The following BSDC1 variants were observed in gnomAD, a reference collection of about 807,000 sequenced individuals.
BSDC1 encodes the protein BSD domain containing 1, also known as BSD domain-containing protein 1.
BSDC1 carries 29 observed loss-of-function variants against 56.0 expected under a neutral mutation model. That is an observed-to-expected ratio of 0.52 (90% CI 0.39 to 0.71). The LOEUF (loss-of-function observed/expected upper bound fraction) is 0.71. Ranked by LOEUF, BSDC1 falls within the 30% of genes least tolerant of loss-of-function variation. The pLI is 0.00. For synonymous variants in BSDC1, 210 were observed against 215.3 expected (o/e 0.98, Z 0.21); for missense variants, 477 against 548.5 (o/e 0.87, Z 1.30).
At chr1:32,381,763 A>G (rs1642481866) in intron 4 of BSDC1, among the ~76,000 whole-genome samples, 1 of 152,218 alleles carries the variant, frequency 6.6e-6, no homozygotes, top group Non-Finnish European at 1.5e-5. Flanking sequence ...TTTCTTCCTC[A>G]GTATTGCAGG....
chr1:32,374,477 G>A (rs1403352177), intron 9 of BSDC1, among the ~76,000 whole-genome samples: 1 of 152,178 alleles, frequency 6.6e-6, no homozygotes, highest in South Asian at 2.1e-4. Flanking sequence ...TGGCCCCAAG[G>A]CCAACCTTCT....
intron 3 of BSDC1, 71 bp from the exon 4 acceptor site, chr1:32,384,068 C>T (rs765191433): frequency 6.2e-7 from 1 of 1,605,688 alleles, no homozygotes; most frequent in South Asian, 1.1e-5. Context: ...GGGGGTAAAA[C>T]ATTGGGGCAA....
At chr1:32,366,760 C>G in intron 10 of BSDC1, 106 bp from the exon 11 acceptor site, 1 of 1,435,660 alleles carries the variant, frequency 7.0e-7, no homozygotes, top group Non-Finnish European at 9.2e-7. Context: ...CATCCCCTAC[C>G]CCAGGCCATA....
At chr1:32,383,724 A>C in intron 4 of BSDC1, 106 bp downstream of exon 4, 1 of 872,812 alleles carries the variant, frequency 1.1e-6, no homozygotes, top group South Asian at 1.6e-5. Flanking sequence ...ATATACCCAT[A>C]TTTATTTTTT....
chr1:32,373,008 C>A (rs1430060186), intron 9 of BSDC1, among the ~76,000 whole-genome samples: 1 of 152,210 alleles, frequency 6.6e-6, no homozygotes, highest in Admixed American at 6.5e-5. Context: ...TCTGCGATGA[C>A]AGGGATCACC....
intron 10 of BSDC1, 76 bp from the exon 11 acceptor site, chr1:32,366,730 T>G: frequency 6.9e-7 from 1 of 1,443,672 alleles, no homozygotes; most frequent in South Asian, 1.5e-5. Flanking sequence ...AACCTCCACT[T>G]GCTGAGCAGA....
In BSDC1 at chr1:32,366,395, T is replaced by C. The variant is rs890464984; in HGVS notation, c.*227A>G. 1.4e-6 allele frequency: 1 copy of C among 699,378 alleles called. No individual in the cohort carries two copies. Among genetic ancestry groups the C allele is most frequent in the African/African-American group, 1.7e-5 (1 of 57,152 alleles). The allele number at this position is 699,378 out of a possible 1,614,324, so 43.3% of individuals were successfully genotyped here. ...GATAGGTTTCCTCTCCCTTGGGTCA[T>C]CCTATTGTTGGCACAAGTCAGAGTT... On this transcript the variant is annotated 3_prime_UTR_variant, in exon 11 of 11. Coordinates refer to ENST00000455895, the MANE Select transcript of BSDC1 (RefSeq NM_018045.8).
intron 2 of BSDC1, among the ~76,000 whole-genome samples, chr1:32,389,728 G>A (rs1642799507): frequency 6.6e-6 from 1 of 151,918 alleles, no homozygotes; most frequent in East Asian, 1.9e-4. Context: ...CGAGGCAGGA[G>A]GATTGCTTGA....
At chr1:32,381,932 A>G (rs192056694) in intron 4 of BSDC1, among the ~76,000 whole-genome samples, 7 of 152,340 alleles carry the variant, frequency 4.6e-5, no homozygotes, top group African/African-American at 1.4e-4. Context: ...TTTTGGAACA[A>G]AAGTTCAATG....
chr1:32,375,822 T>TA (rs2148119272), intron 9 of BSDC1, among the ~76,000 whole-genome samples: 1 of 152,314 alleles, frequency 6.6e-6, no homozygotes, highest in South Asian at 2.1e-4. Flanking sequence ...TCCAAAAAGA[T>TA]AGAAATTGGC....
In BSDC1 at chr1:32,378,067, A is replaced by C; in HGVS notation, c.598-19T>G. On this transcript the variant is annotated intron_variant, in intron 7 of 10. Transcript: ENST00000455895. The surrounding 1 kb of genome is among the most constrained non-coding windows in gnomAD (Gnocchi z 5.2). ...CCTGCTCCTGAATGTGGGGGAGCAG[A>C]AGGCCACAGGCAGTCAGGGCACCCT... The C allele has an allele frequency of 6.2e-7, 1 of 1,603,422 alleles. No homozygotes were observed. Among genetic ancestry groups the C allele is most frequent in the Non-Finnish European group, 8.5e-7 (1 of 1,173,816 alleles).
At chr1:32,381,098 G>C (rs1642463051) in intron 5 of BSDC1, 116 bp downstream of exon 5, 1 of 910,040 alleles carries the variant, frequency 1.1e-6, no homozygotes, top group Non-Finnish European at 1.8e-6. Context: ...GTCTCACTCT[G>C]GTCTCCCTAC....
intron 9 of BSDC1, 146 bp from the exon 10 acceptor site, chr1:32,368,696 C>G: frequency 1.6e-6 from 2 of 1,217,322 alleles, no homozygotes; most frequent in Non-Finnish European, 2.2e-6. Context: ...GCGCACCAAT[C>G]GTACTTTTTT....
At chr1:32,368,264 A>G in intron 10 of BSDC1, 183 bp downstream of exon 10, 1 of 1,526,522 alleles carries the variant, frequency 6.6e-7, no homozygotes, top group Non-Finnish European at 8.8e-7. Context: ...AACTGAGGAA[A>G]AGTGCAGCCT....
intron 2 of BSDC1, chr1:32,393,688 G>C (rs889439414): frequency 2.9e-5 from 6 of 203,548 alleles, no homozygotes; most frequent in Non-Finnish European, 6.1e-5. Context: ...CAGAGTGCTG[G>C]TTGTCGCATA....
intron 9 of BSDC1, among the ~76,000 whole-genome samples, chr1:32,373,917 T>A (rs970654769): frequency 6.6e-6 from 1 of 152,196 alleles, no homozygotes; most frequent in African/African-American, 2.4e-5. Flanking sequence ...CCTGAGCAAC[T>A]GAATATGGCT....
chr1:32,385,931 G>GA (rs1642648332), intron 3 of BSDC1, among the ~76,000 whole-genome samples: 1 of 152,102 alleles, frequency 6.6e-6, no homozygotes, highest in South Asian at 2.1e-4. Context: ...TACAATACTG[G>GA]AAAAAACTGA....
At chr1:32,394,238 G>T in intron 1 of BSDC1, 98 bp from the exon 2 acceptor site, 1 of 1,563,150 alleles carries the variant, frequency 6.4e-7, no homozygotes, top group Non-Finnish European at 8.8e-7. Context: ...GCGGGCCGAG[G>T]CTTCGCAGAC....
At position 32,366,656 on chromosome 1, in the gene BSDC1, T is replaced by C; in HGVS notation, c.1261-2A>G. ...GTCCTCCCACTCTACATCTTCCAGC[T>C]GCAAATGGGAGGGGGTAATGGAAAT... On this transcript the variant is annotated splice_acceptor_variant, in intron 10 of 10. Coordinates refer to ENST00000455895, the MANE Select transcript of BSDC1 (RefSeq NM_018045.8). LOFTEE classifies it high-confidence loss of function. 1 of 1,465,402 alleles carries C rather than the reference T, an allele frequency of 6.8e-7. No homozygotes were observed. The highest frequency in any genetic ancestry group is 9.1e-7 in the Non-Finnish European group (1 of 1,104,846). The allele number at this position is 1,465,402 out of a possible 1,614,324, so 90.8% of individuals were successfully genotyped here.
Sources: gnomAD v4.1 joint callset for allele counts (sites outside exome capture counted in the v4.1 genomes callset) on GRCh38, gnomAD v4.1.1 for gene constraint, Gnocchi (gnomAD v3.1) non-coding constraint, MANE v1.5 for transcripts, NCBI Gene and HGNC (gene_info 2026-07-23, HGNC 2026-07-21) for gene names.